The following TENM2 variants were observed in gnomAD, a reference collection of about 807,000 sequenced individuals.
TENM2 encodes the protein teneurin-2.
In TENM2, 52 loss-of-function variants were observed where a neutral mutation model predicts 245.2. The ratio of observed to expected loss-of-function variants is 0.21; its 90% CI spans 0.17 to 0.27. The LOEUF (loss-of-function observed/expected upper bound fraction) is 0.27. TENM2 is among the 10% of genes least tolerant of loss of function. TENM2 has a pLI of 1.00. For missense variants in TENM2, 3,046 were observed against 3,666.8 expected (o/e 0.83, Z 4.37); for synonymous variants, 1,363 against 1,438.9 (o/e 0.95, Z 1.19).
chr5:167,535,357 T>C (rs891218643), intron 2 of TENM2, among the ~76,000 whole-genome samples: 2 of 151,870 alleles, frequency 1.3e-5, no homozygotes, highest in Non-Finnish European at 1.5e-5. Flanking sequence ...CAGAGATGAC[T>C]GTGGTGATGC....
chr5:167,698,156 C>T (rs1428964870), intron 2 of TENM2, among the ~76,000 whole-genome samples: 2 of 152,088 alleles, frequency 1.3e-5, no homozygotes, highest in Non-Finnish European at 2.9e-5. Flanking sequence ...CCTCTATGTG[C>T]AGTAACTTGA....
At chr5:167,738,617 C>A (rs1452368260) in intron 2 of TENM2, among the ~76,000 whole-genome samples, 1 of 152,106 alleles carries the variant, frequency 6.6e-6, no homozygotes. Context: ...TAAGAAAATT[C>A]CACAAGCTGA....
the TENM2 span, among the ~76,000 whole-genome samples, chr5:167,059,134 A>T: frequency 5.3e-5 from 8 of 151,670 alleles, no homozygotes; most frequent in South Asian, 1.5e-3. Flanking sequence ...AATATGCAGC[A>T]TATGAATCAG....
At chr5:168,019,605 G>T (rs79654849) in intron 5 of TENM2, among the ~76,000 whole-genome samples, 1 of 152,118 alleles carries the variant, frequency 6.6e-6, no homozygotes, top group African/African-American at 2.4e-5. Flanking sequence ...CCTGGAGCCA[G>T]CCCCTGGGAA....
At chr5:168,126,113 C>T (rs1251546162) in intron 11 of TENM2, among the ~76,000 whole-genome samples, 1 of 152,208 alleles carries the variant, frequency 6.6e-6, no homozygotes, top group Non-Finnish European at 1.5e-5. Context: ...AGACTTTGAG[C>T]TCCTTTGAGA....
chr5:168,107,523 A>G (rs1794343113), intron 9 of TENM2, among the ~76,000 whole-genome samples: 3 of 149,654 alleles, frequency 2.0e-5, no homozygotes, highest in Admixed American at 1.4e-4. Flanking sequence ...ACTGGTGTGC[A>G]GCTCAGGAAG....
chr5:167,508,592 G>C (rs1344091931), intron 2 of TENM2, among the ~76,000 whole-genome samples: 1 of 152,154 alleles, frequency 6.6e-6, no homozygotes, highest in Non-Finnish European at 1.5e-5. Flanking sequence ...GCCACTGTGA[G>C]GCATGCATGC....
At chr5:167,747,163 C>T (rs1001139927) in intron 2 of TENM2, among the ~76,000 whole-genome samples, 6 of 151,964 alleles carry the variant, frequency 3.9e-5, no homozygotes, top group African/African-American at 1.5e-4. Flanking sequence ...AACGAAAAAC[C>T]CAGAGCCAAA....
chr5:167,714,040 T>C (rs1187930621), intron 2 of TENM2, among the ~76,000 whole-genome samples: 2 of 152,222 alleles, frequency 1.3e-5, no homozygotes. Context: ...CACTGAAGCT[T>C]AACCCTAAAG....
chr5:168,052,220 T>C (rs927767523), intron 6 of TENM2, among the ~76,000 whole-genome samples: 4 of 151,930 alleles, frequency 2.6e-5, no homozygotes, highest in African/African-American at 7.2e-5. Context: ...ACCCCGTCTC[T>C]ACTAAAAATA....
intron 2 of TENM2, among the ~76,000 whole-genome samples, chr5:167,606,181 T>C (rs1777026215): frequency 6.6e-6 from 1 of 151,466 alleles, no homozygotes; most frequent in Admixed American, 6.6e-5. Context: ...TGGATGGTGA[T>C]GGCAGGAGGA....
intron 5 of TENM2, among the ~76,000 whole-genome samples, chr5:168,021,701 T>G (rs890398866): frequency 1.3e-5 from 2 of 152,102 alleles, no homozygotes; most frequent in African/African-American, 4.8e-5. Flanking sequence ...CTGGCTGCAC[T>G]CAGCAGGTCA....
intron 1 of TENM2, among the ~76,000 whole-genome samples, chr5:167,326,540 G>T (rs113278526): frequency 0.026 from 3,966 of 151,782 alleles, 166 homozygotes; most frequent in African/African-American, 0.09. Context: ...AGACGTGGTG[G>T]TGCACGCGTG....
intron 2 of TENM2, among the ~76,000 whole-genome samples, chr5:167,815,399 C>T (rs150183638): frequency 2.0e-5 from 3 of 152,220 alleles, no homozygotes; most frequent in Non-Finnish European, 2.9e-5. Flanking sequence ...AATCTAACCC[C>T]CAGATGAGCT....
At chr5:167,939,579 T>C (rs1411841357) in intron 3 of TENM2, among the ~76,000 whole-genome samples, 1 of 152,198 alleles carries the variant, frequency 6.6e-6, no homozygotes, top group African/African-American at 2.4e-5. Context: ...TTTCAATATA[T>C]AACGTGTTGA....
intron 2 of TENM2, among the ~76,000 whole-genome samples, chr5:167,568,970 A>C (rs986483743): frequency 6.6e-6 from 1 of 151,616 alleles, no homozygotes; most frequent in East Asian, 1.9e-4. Context: ...TCAGCTAATA[A>C]CTTTTCCTTT....
At chr5:168,064,103 C>G (rs1364924991) in intron 7 of TENM2, among the ~76,000 whole-genome samples, 1 of 152,088 alleles carries the variant, frequency 6.6e-6, no homozygotes, top group Non-Finnish European at 1.5e-5. Flanking sequence ...AGATTCTCAT[C>G]AAGACAAGAA....
rs1293258200 is a variant in TENM2, at chr5:167,845,295, C to T, written c.503-30691C>T. Among the ~76,000 whole-genome samples the T allele has an allele frequency of 2.9e-5, 4 of 140,030 alleles. No homozygotes were observed. In the South Asian group the frequency reaches 9.6e-4, roughly 34 times the overall value. The allele number at this position is 140,030 out of a possible 152,430, so 91.9% of individuals were successfully genotyped here. ...CACACACACACAACACGGCCCCACT[C>T]TCTCTCTCTGAATTTTTCAGGCCAT... On this transcript the variant is annotated intron_variant, in intron 2 of 28. Coordinates refer to ENST00000518659, the Ensembl canonical transcript of TENM2.
intron 2 of TENM2, among the ~76,000 whole-genome samples, chr5:167,686,113 T>A (rs1286248159): frequency 6.6e-6 from 1 of 152,196 alleles, no homozygotes; most frequent in Admixed American, 6.5e-5. Flanking sequence ...TAAGACAGCG[T>A]GTATTGATCA....
Sources: gnomAD v4.1 joint callset for allele counts (sites outside exome capture counted in the v4.1 genomes callset) on GRCh38, gnomAD v4.1.1 for gene constraint, MANE v1.5 for transcripts, NCBI Gene and HGNC (gene_info 2026-07-23, HGNC 2026-07-21) for gene names.